MYO10: variants seen among roughly 807,000 people sequenced by gnomAD.
MYO10 encodes the protein unconventional myosin-X.
A neutral mutation model predicts 257.3 loss-of-function variants in MYO10; 133 were observed. The observed-to-expected ratio is 0.52, with a 90% CI of 0.45 to 0.60. MYO10 has a LOEUF of 0.60. Ranked by LOEUF, MYO10 falls within the 20% of genes least tolerant of loss-of-function variation. The pLI is 0.00. For synonymous variants in MYO10, 1,104 were observed against 1,028.6 expected (o/e 1.07, Z -1.40); for missense variants, 2,399 against 2,635.7 (o/e 0.91, Z 1.97).
chr5:16,812,312 C>T (rs994119330), intron 3 of MYO10, among the ~76,000 whole-genome samples: 2 of 152,276 alleles, frequency 1.3e-5, no homozygotes, highest in South Asian at 4.1e-4. Context: ...TTACAGCCAG[C>T]GCAGAGGGGC....
At chr5:16,730,722 G>A (rs1479964734) in intron 19 of MYO10, among the ~76,000 whole-genome samples, 1 of 152,198 alleles carries the variant, frequency 6.6e-6, no homozygotes, top group Non-Finnish European at 1.5e-5. Context: ...GAATTACTAG[G>A]TGGGGGCCAC....
At chr5:16,688,577 T>C (rs549859012) in intron 28 of MYO10, among the ~76,000 whole-genome samples, 1 of 151,826 alleles carries the variant, frequency 6.6e-6, no homozygotes, top group Admixed American at 6.6e-5. Flanking sequence ...CCCATCTCTA[T>C]AAAAAATACA....
chr5:16,689,678 T>A lies in MYO10; in HGVS notation c.3896+146A>T, dbSNP rs140709883. The A allele has an allele frequency of 8.6e-3, 5,468 of 636,748 alleles. 37 individuals carry two copies. Among genetic ancestry groups the A allele is most frequent in the Non-Finnish European group, 9.9e-3 (3,571 of 359,132 alleles). 39.4% of individuals were successfully genotyped at this position (636,748 alleles called of 1,614,324 possible). On this transcript the variant is annotated intron_variant, in intron 28 of 40. Transcript: ENST00000513610. ...AAAGATTCCCCAAGGGACAAGTGCATCAATCTCGTATGACTCTTGGTTCTT... is the reference window on the plus strand; with the variant it reads ...AAAGATTCCCCAAGGGACAAGTGCAACAATCTCGTATGACTCTTGGTTCTT...
chr5:16,792,240 A>C (rs919826988), intron 4 of MYO10, among the ~76,000 whole-genome samples: 3 of 151,880 alleles, frequency 2.0e-5, no homozygotes, highest in African/African-American at 7.2e-5. Context: ...TGTTTAAAAA[A>C]AAAAGGAACT....
intron 1 of MYO10, among the ~76,000 whole-genome samples, chr5:16,925,945 C>A (rs1259677873): frequency 6.6e-6 from 1 of 152,154 alleles, no homozygotes; most frequent in Non-Finnish European, 1.5e-5. Flanking sequence ...CTCCAAACAG[C>A]ATTTTCTTTG....
chr5:16,927,395 G>C (rs1235240221), intron 1 of MYO10, among the ~76,000 whole-genome samples: 1 of 152,100 alleles, frequency 6.6e-6, no homozygotes, highest in Non-Finnish European at 1.5e-5. Context: ...CACAATCTCG[G>C]CTCACTGGAA....
At position 16,663,552 on chromosome 5, in the gene MYO10, C is replaced by CTT. The variant is rs66785094; in HGVS notation, c.*3138_*3139dup. 1 of 151,166 alleles carries CTT rather than the reference C, an allele frequency of 6.6e-6. No homozygotes were observed. 9.4% of individuals were successfully genotyped at this position (151,166 alleles called of 1,614,324 possible). A position where few individuals can be genotyped will look rare whatever the true frequency, so the allele number is the denominator to read the frequency against. Reference sequence around the variant, plus strand: ...CACAGATAGAAAATATTTGAAAAAACTTTTTTTGGTGGGGCACAGTGGCTC... The same window carrying CTT: ...CACAGATAGAAAATATTTGAAAAAACTTTTTTTTTGGTGGGGCACAGTGGCTC... On this transcript the variant is annotated 3_prime_UTR_variant, in exon 41 of 41. Transcript: ENST00000513610.
chr5:16,828,102 G>A (rs965439028), intron 2 of MYO10, among the ~76,000 whole-genome samples: 3 of 152,160 alleles, frequency 2.0e-5, no homozygotes, highest in African/African-American at 4.8e-5. Context: ...ATGTTCGAAT[G>A]TATACGGTAA....
chr5:16,838,323 A>T (rs901725095), intron 2 of MYO10, among the ~76,000 whole-genome samples: 1 of 152,248 alleles, frequency 6.6e-6, no homozygotes, highest in Non-Finnish European at 1.5e-5. Flanking sequence ...GAACAAATGA[A>T]TGAAAAGAAG....
At position 16,763,643 on chromosome 5, in the gene MYO10, A is replaced by C; in HGVS notation, c.1427+12T>G. The C allele has an allele frequency of 1.3e-6, 2 of 1,593,720 alleles. No homozygotes were observed. The highest frequency in any genetic ancestry group is 1.7e-6 in the Non-Finnish European group (2 of 1,162,304). On this transcript the variant is annotated intron_variant, in intron 13 of 40. Transcript: ENST00000513610. The stretch of plus-strand genomic sequence containing the variant: ...AAAAAAAAAATTGAAATGGAATTCT[A>C]TGAGTGCTTACCGGCTATATTCTAG...
intron 33 of MYO10, among the ~76,000 whole-genome samples, chr5:16,677,416 C>CTTTTT (rs796474728): frequency 4.2e-5 from 5 of 119,380 alleles, no homozygotes; most frequent in Admixed American, 9.3e-5. Flanking sequence ...GTAACTTGAC[C>CTTTTT]TTTTTTTTTT....
chr5:16,877,661 G>A lies in MYO10; in HGVS notation c.68C>T (p.Thr23Ile), dbSNP rs1171902652. The A allele has an allele frequency of 1.1e-5, 17 of 1,613,700 alleles. No individual in the cohort carries two copies. Among genetic ancestry groups the A allele is most frequent in the Admixed American group, 3.3e-5 (2 of 59,986 alleles). Reference sequence around the variant, plus strand: ...GATGCCTTCTGCACAGGAATTTACAGTACTTGGAAAATGCTGGCCATTTTC... The same window carrying A: ...GATGCCTTCTGCACAGGAATTTACAATACTTGGAAAATGCTGGCCATTTTC... ...LRENGQHFPS[T>I]VNSCAEGIVV... Residue 23 changes from threonine (T) to isoleucine (I), a missense_variant, in exon 2 of 41, where the codon ACT (threonine) becomes ATT (isoleucine). This residue lies in a region of MYO10 where 242 missense variants were observed against 249.5 expected (regional missense o/e 0.97). Transcript: ENST00000513610.
intron 2 of MYO10, among the ~76,000 whole-genome samples, chr5:16,850,485 C>T (rs1463204138): frequency 6.6e-6 from 1 of 152,022 alleles, no homozygotes; most frequent in Non-Finnish European, 1.5e-5. Context: ...ACCATGTTGG[C>T]CAGGCTGGTC....
At chr5:16,783,607 A>C in intron 4 of MYO10, 138 bp from the exon 5 acceptor site, 3 of 949,586 alleles carry the variant, frequency 3.2e-6, no homozygotes, top group Non-Finnish European at 4.7e-6. Context: ...GCCTGTTTCC[A>C]AAGAGCTGAG....
chr5:16,812,666 C>A (rs183254328), intron 3 of MYO10, among the ~76,000 whole-genome samples: 1 of 152,152 alleles, frequency 6.6e-6, no homozygotes, highest in South Asian at 2.1e-4. Flanking sequence ...AAGTTCGAGG[C>A]AGGAACTTTC....
chr5:16,902,429 T>C, intron 1 of MYO10: 1 of 1,215,414 alleles, frequency 8.2e-7, no homozygotes, highest in South Asian at 1.2e-5. Context: ...GACAGTAATG[T>C]AACTTCACAT....
chr5:16,724,396 A>T (rs555323125), intron 19 of MYO10, among the ~76,000 whole-genome samples: 2 of 152,236 alleles, frequency 1.3e-5, no homozygotes, highest in Admixed American at 1.3e-4. Context: ...ACCTAAACAA[A>T]ACCCATTCTG....
chr5:16,797,721 G>A (rs1257561548), intron 3 of MYO10, among the ~76,000 whole-genome samples: 1 of 152,240 alleles, frequency 6.6e-6, no homozygotes, highest in Non-Finnish European at 1.5e-5. Context: ...CACATATCCA[G>A]AATAGGTTAA....
rs375905177 is a variant in MYO10 at position 16,673,676 on chromosome 5, C to G, written c.5172+6G>C. On this transcript the variant is annotated splice_donor_region_variant and intron_variant, in intron 36 of 40. Coordinates refer to ENST00000513610, the MANE Select transcript of MYO10 (RefSeq NM_012334.3). ...AACAGAACAAGCAGCAGCTGCCTCT[C>G]CTCACCTCCCCAGCGGTGGTGTGGG... The G allele has an allele frequency of 1.2e-6, 2 of 1,612,110 alleles. No homozygotes were observed. The highest frequency in any genetic ancestry group is 1.7e-5 in the Admixed American group (1 of 59,604).
Sources: allele counts gnomAD v4.1 joint callset (sites outside exome capture counted in the v4.1 genomes callset), GRCh38; gene constraint gnomAD v4.1.1; regional missense constraint gnomAD v4.1.1; transcripts MANE v1.5; gene names NCBI Gene and HGNC (gene_info 2026-07-23, HGNC 2026-07-21).